The following PALLD variants were observed in gnomAD, a reference collection of about 807,000 sequenced individuals.
PALLD encodes palladin, cytoskeletal associated protein, also known as palladin.
PALLD carries 61 observed loss-of-function variants against 123.5 expected under a neutral mutation model. That is an observed-to-expected ratio of 0.49 (90% CI 0.40 to 0.61). The LOEUF (loss-of-function observed/expected upper bound fraction) is 0.61, where lower values mean the gene tolerates loss of function less well. PALLD is among the 20% of genes least tolerant of loss of function. The pLI, the probability that PALLD is intolerant of heterozygous loss-of-function variation, is 0.00. For missense variants in PALLD, 1,273 were observed against 1,377.0 expected (o/e 0.92, Z 1.20); for synonymous variants, 465 against 496.4 (o/e 0.94, Z 0.84).
intron 10 of PALLD, among the ~76,000 whole-genome samples, chr4:168,752,928 A>T (rs1159794403): frequency 6.6e-6 from 1 of 152,188 alleles, no homozygotes; most frequent in Non-Finnish European, 1.5e-5. Flanking sequence ...AGAGTAAGAG[A>T]GAAGAGAAAC....
At chr4:168,579,615 A>C (rs1245304764) in intron 2 of PALLD, among the ~76,000 whole-genome samples, 1 of 152,168 alleles carries the variant, frequency 6.6e-6, no homozygotes, top group Admixed American at 6.6e-5. Context: ...AAATTAAAAA[A>C]TATGAGAATC....
Position 168,858,108 on chromosome 4 carries a change from G to GTAA in PALLD, c.1965-32813_1965-32812insAAT, listed in dbSNP as rs1748870356. ...AGAGCAAAATTTCAGATTTGAAGAA[G>GTAA]TTTTCCTAATAAGGAAGAATGATGT... On this transcript the variant is annotated intron_variant, in intron 10 of 21. Coordinates refer to ENST00000505667, the MANE Select transcript of PALLD (RefSeq NM_001166108.2). Among the ~76,000 whole-genome samples, 3 of 152,324 alleles carry GTAA rather than the reference G, an allele frequency of 2.0e-5. No homozygotes were observed. In the South Asian group the frequency reaches 6.2e-4, roughly 32 times the overall value.
chr4:168,905,151 T>TTG (rs1560895120), intron 15 of PALLD, among the ~76,000 whole-genome samples: 1 of 133,154 alleles, frequency 7.5e-6, no homozygotes. Flanking sequence ...TTTTTTTTTT[T>TTG]TTTTTTTTTT....
intron 12 of PALLD, among the ~76,000 whole-genome samples, chr4:168,894,954 A>C (rs10020879): frequency 6.6e-6 from 1 of 152,144 alleles, no homozygotes; most frequent in East Asian, 1.9e-4. Flanking sequence ...TCCTATCCTA[A>C]GTTTTATGCA....
intron 6 of PALLD, chr4:168,686,491 C>G (rs1452395640): frequency 6.6e-6 from 1 of 152,126 alleles, no homozygotes; most frequent in African/African-American, 2.4e-5. Context: ...GTTTTCTGTT[C>G]CTGTGTTAGT....
intron 10 of PALLD, among the ~76,000 whole-genome samples, chr4:168,818,925 A>G (rs1485655005): frequency 6.6e-6 from 1 of 152,218 alleles, no homozygotes; most frequent in Non-Finnish European, 1.5e-5. Context: ...ACTAGAAAAG[A>G]ACATGGTGAA....
chr4:168,691,172 G>A (rs1472865431), intron 7 of PALLD, 97 bp from the exon 8 acceptor site: 1 of 834,786 alleles, frequency 1.2e-6, no homozygotes, highest in Non-Finnish European at 2.1e-6. Flanking sequence ...ACATGTCCTA[G>A]ACAAGGTAAT....
chr4:168,802,545 A>G (rs1377688548), intron 10 of PALLD, among the ~76,000 whole-genome samples: 1 of 152,206 alleles, frequency 6.6e-6, no homozygotes, highest in African/African-American at 2.4e-5. Context: ...GGACATAAAC[A>G]TGGGAAAAAT....
intron 2 of PALLD, among the ~76,000 whole-genome samples, chr4:168,565,200 CT>C (rs902383137): frequency 9.4e-5 from 14 of 149,398 alleles, no homozygotes; most frequent in African/African-American, 2.7e-4. Flanking sequence ...TAGTCTTTCA[CT>C]TTTTTTTTTC....
chr4:168,859,757 G>A (rs1160866867), intron 10 of PALLD, among the ~76,000 whole-genome samples: 2 of 152,052 alleles, frequency 1.3e-5, no homozygotes, highest in Non-Finnish European at 2.9e-5. Context: ...AGGCCTCAAG[G>A]AGCACTGTAC....
intron 10 of PALLD, among the ~76,000 whole-genome samples, chr4:168,831,158 C>T (rs1045598199): frequency 6.6e-6 from 1 of 152,218 alleles, no homozygotes; most frequent in Non-Finnish European, 1.5e-5. Context: ...GTGTCCTTAG[C>T]TGATCTGGTG....
chr4:168,520,161 C>T (rs1301836439), intron 2 of PALLD, among the ~76,000 whole-genome samples: 1 of 151,822 alleles, frequency 6.6e-6, no homozygotes, highest in Non-Finnish European at 1.5e-5. Context: ...CCAGTCTCTA[C>T]TGAAAATACA....
At chr4:168,748,606 G>T (rs1299921674) in intron 10 of PALLD, among the ~76,000 whole-genome samples, 1 of 152,198 alleles carries the variant, frequency 6.6e-6, no homozygotes, top group Admixed American at 6.5e-5. Flanking sequence ...TGGGTCCTCT[G>T]CTTTGAGTCT....
intron 2 of PALLD, among the ~76,000 whole-genome samples, chr4:168,581,301 C>T (rs766546449): frequency 6.7e-6 from 1 of 149,938 alleles, no homozygotes; most frequent in Non-Finnish European, 1.5e-5. Flanking sequence ...TATGCTAGTT[C>T]TATTTTTTTT....
At chr4:168,810,519 G>A (rs1424042553) in intron 10 of PALLD, among the ~76,000 whole-genome samples, 1 of 152,168 alleles carries the variant, frequency 6.6e-6, no homozygotes, top group Non-Finnish European at 1.5e-5. Context: ...AGCCAAGCAT[G>A]GTGGCAGGCA....
rs2151201371 is a variant in PALLD at position 168,892,677 on chromosome 4, A to G, written c.2100+1620A>G. Among the ~76,000 whole-genome samples the G allele has an allele frequency of 1.3e-5, 2 of 151,956 alleles. 1 individual carries two copies. The highest frequency in any genetic ancestry group is 4.2e-4 in the South Asian group (2 of 4,812). On this transcript the variant is annotated intron_variant, in intron 11 of 21. Transcript: ENST00000505667. ...CAACTAAATCTTTTAAAAGATTAAA[A>G]TAAATACATATGGGAACTTTTTCAA...
chr4:168,678,262 A>G (rs2723712), intron 3 of PALLD, among the ~76,000 whole-genome samples: 1 of 152,050 alleles, frequency 6.6e-6, no homozygotes, highest in Non-Finnish European at 1.5e-5. Context: ...TATAAATTGG[A>G]CATAATTCAC....
intron 10 of PALLD, among the ~76,000 whole-genome samples, chr4:168,829,739 G>T (rs895585539): frequency 6.6e-6 from 1 of 152,162 alleles, no homozygotes; most frequent in African/African-American, 2.4e-5. Context: ...AACAAGCTGA[G>T]AATTCAAAGA....
At chr4:168,799,859 T>A (rs921304298) in intron 10 of PALLD, among the ~76,000 whole-genome samples, 1 of 152,184 alleles carries the variant, frequency 6.6e-6, no homozygotes, top group South Asian at 2.1e-4. Flanking sequence ...CTATTTCCTA[T>A]GTATGTTTTC....
Sources: allele counts gnomAD v4.1 joint callset (sites outside exome capture counted in the v4.1 genomes callset), GRCh38; gene constraint gnomAD v4.1.1; transcripts MANE v1.5; gene names NCBI Gene and HGNC (gene_info 2026-07-23, HGNC 2026-07-21).